Variants in PPP2R1A observed in about 807,000 individuals in gnomAD.
PPP2R1A encodes the protein protein phosphatase 2 scaffold subunit Aalpha.
A neutral mutation model predicts 67.1 loss-of-function variants in PPP2R1A; 15 were observed. That is an observed-to-expected ratio of 0.22 (90% CI 0.15 to 0.34). The LOEUF (loss-of-function observed/expected upper bound fraction) is 0.34, where lower values mean the gene tolerates loss of function less well. Ranked by LOEUF, PPP2R1A falls within the 10% of genes least tolerant of loss-of-function variation. PPP2R1A has a pLI of 1.00. For missense variants in PPP2R1A, 369 were observed against 775.0 expected, an observed-to-expected ratio of 0.48 and a Z score of 6.22; for synonymous variants, 337 against 325.0, an observed-to-expected ratio of 1.04 and a Z score of -0.40.
chr19:52,202,344 T>C (rs1260507261), intron 2 of PPP2R1A, among the ~76,000 whole-genome samples: 1 of 152,252 alleles, frequency 6.6e-6, no homozygotes, highest in Non-Finnish European at 1.5e-5. Flanking sequence ...CATCTGTAGA[T>C]TGGGATAATC....
chr19:52,201,584 AGT>A, intron 1 of PPP2R1A: 1 of 196,826 alleles, frequency 5.1e-6, no homozygotes, highest in South Asian at 1.0e-4. Context: ...CTGCTGTTAA[AGT>A]ACAGTGCATT....
intron 6 of PPP2R1A, among the ~76,000 whole-genome samples, chr19:52,215,457 AT>A (rs1276530908): frequency 6.6e-6 from 1 of 152,220 alleles, no homozygotes; most frequent in Non-Finnish European, 1.5e-5. Context: ...TCACTATATC[AT>A]TTGAATGTTT....
At chr19:52,194,695 G>A (rs955912830) in intron 1 of PPP2R1A, among the ~76,000 whole-genome samples, 3 of 152,164 alleles carry the variant, frequency 2.0e-5, no homozygotes, top group Non-Finnish European at 4.4e-5. Flanking sequence ...TGCCAGTTGT[G>A]CTCTCTGTGT....
intron 13 of PPP2R1A, 101 bp downstream of exon 13, chr19:52,222,342 G>T: frequency 1.4e-6 from 2 of 1,454,946 alleles, no homozygotes; most frequent in East Asian, 5.0e-5. Context: ...GCCTGGCAGC[G>T]CTCCTTGCTT....
In PPP2R1A at chr19:52,215,912, A is replaced by C. The variant is rs773636251; in HGVS notation, c.922+19A>C. On this transcript the variant is annotated intron_variant, in intron 7 of 14. Coordinates refer to ENST00000322088, the MANE Select transcript of PPP2R1A (RefSeq NM_014225.6). ...GTCAAAGGTTGGTGCTGGCAGCCGG[A>C]ACACAGCAAGTGGGGTGGGTATCCA... is the stretch of plus-strand genomic sequence containing the variant. 6.2e-7 allele frequency: 1 copy of C among 1,613,450 alleles called. No individual in the cohort carries two copies. The highest frequency in any genetic ancestry group is 8.5e-7 in the Non-Finnish European group (1 of 1,179,364).
rs113637152 is a variant in PPP2R1A at position 52,215,144 on chromosome 19, C to T, written c.808-635C>T. Among the ~76,000 whole-genome samples, 1,020 of 152,316 alleles carry T rather than the reference C, an allele frequency of 6.7e-3. 13 individuals carry two copies. The highest frequency in any genetic ancestry group is 0.023 in the African/African-American group (970 of 41,572). On this transcript the variant is annotated intron_variant, in intron 6 of 14. Coordinates refer to ENST00000322088, the MANE Select transcript of PPP2R1A (RefSeq NM_014225.6). ...AGTCACGGCTCACTGCAGCCTTGAC[C>T]TCCTGGGCTCAGGTGATCCTCCCAC...
intron 1 of PPP2R1A, among the ~76,000 whole-genome samples, chr19:52,192,215 C>T (rs538348105): frequency 9.9e-5 from 15 of 151,988 alleles, no homozygotes; most frequent in African/African-American, 3.6e-4. Flanking sequence ...AGGCAAGGCC[C>T]CTCTGAGGAT....
At chr19:52,191,213 C>CT (rs1481079358) in intron 1 of PPP2R1A, 1 of 152,262 alleles carries the variant, frequency 6.6e-6, no homozygotes, top group Non-Finnish European at 1.5e-5. Context: ...CTGAGCCGGG[C>CT]TGGTGTGGGA....
chr19:52,195,979 G>A lies in PPP2R1A; in HGVS notation c.78+5805G>A, dbSNP rs190147686. Reference sequence around the variant, plus strand: ...CTGAAAATCCCAACCCTCTAATCATGCCTCTCTGTTTTCCATGACTATCTT... The same window carrying A: ...CTGAAAATCCCAACCCTCTAATCATACCTCTCTGTTTTCCATGACTATCTT... On this transcript the variant is annotated intron_variant, in intron 1 of 14. Transcript: ENST00000322088. Among the ~76,000 whole-genome samples the A allele has an allele frequency of 2.2e-3, 329 of 152,258 alleles. 2 individuals carry two copies. Among genetic ancestry groups the A allele is most frequent in the Admixed American group, 7.3e-3 (112 of 15,294 alleles).
At chr19:52,218,308 C>G (rs931845905) in intron 9 of PPP2R1A, among the ~76,000 whole-genome samples, 2 of 152,206 alleles carry the variant, frequency 1.3e-5, no homozygotes, top group Admixed American at 6.5e-5. Context: ...AGTACTGCAT[C>G]ACATTTCAGT....
intron 10 of PPP2R1A, 31 bp from the exon 11 acceptor site, chr19:52,220,158 C>T: frequency 6.2e-7 from 1 of 1,610,190 alleles, no homozygotes; most frequent in Non-Finnish European, 8.5e-7. Flanking sequence ...TCCTGGAACG[C>T]TTACCTTGGA....
chr19:52,191,608 G>C (rs537826220), intron 1 of PPP2R1A, among the ~76,000 whole-genome samples: 3 of 152,192 alleles, frequency 2.0e-5, no homozygotes, highest in Non-Finnish European at 4.4e-5. Flanking sequence ...TGTATTCCCG[G>C]CCCTTCCACT....
In PPP2R1A at chr19:52,191,767, A is replaced by G. The variant is rs149078746; in HGVS notation, c.78+1593A>G. ...CCATGTATGAGATATGATGCTGGGG[A>G]TATAGTGGAGACACCAGTTGCTATA... On this transcript the variant is annotated intron_variant, in intron 1 of 14. Coordinates refer to ENST00000322088, the MANE Select transcript of PPP2R1A (RefSeq NM_014225.6). Among the ~76,000 whole-genome samples the G allele has an allele frequency of 4.1e-4, 63 of 152,264 alleles. 1 individual carries two copies. The highest frequency in any genetic ancestry group is 1.5e-3 in the African/African-American group (63 of 41,546).
chr19:52,191,709 G>A (rs1365612639), intron 1 of PPP2R1A, among the ~76,000 whole-genome samples: 1 of 152,148 alleles, frequency 6.6e-6, no homozygotes, highest in Non-Finnish European at 1.5e-5. Flanking sequence ...TCATAGGGCG[G>A]TTGTATGAAT....
intron 1 of PPP2R1A, among the ~76,000 whole-genome samples, chr19:52,190,721 A>T (rs1348008248): frequency 2.0e-5 from 3 of 152,142 alleles, no homozygotes; most frequent in Non-Finnish European, 2.9e-5. Flanking sequence ...CGGGGACGCA[A>T]AAACACCCCC....
rs1378934241 is a variant in PPP2R1A at position 52,216,893 on chromosome 19, A to G, written c.1128+230A>G. ...TGGAGGATATGAAAAATAGAAATTT[A>G]AAGTTTTTATTTATGGCCAGGCGCG... On this transcript the variant is annotated intron_variant, in intron 9 of 14. Transcript: ENST00000322088. The surrounding 1 kb of genome is among the most constrained non-coding windows in gnomAD (Gnocchi z 4.3). 6.6e-6 allele frequency among the ~76,000 whole-genome samples: 1 copy of G among 152,188 alleles called. No individual in the cohort carries two copies. The highest frequency in any genetic ancestry group is 1.5e-5 in the Non-Finnish European group (1 of 68,042).
chr19:52,226,374 CT>C lies in PPP2R1A; in HGVS notation c.*397del. 3.1e-6 allele frequency: 1 copy of C among 327,252 alleles called. No homozygotes were observed. The highest frequency in any genetic ancestry group is 4.7e-5 in the East Asian group (1 of 21,344). 20.3% of individuals were successfully genotyped at this position (327,252 alleles called of 1,614,324 possible). ...CAACTGTGCCGTTTTTATTTTATTC[CT>C]TTTATTTTCCCCCTTTTCACAGAGA... On this transcript the variant is annotated 3_prime_UTR_variant, in exon 15 of 15. Coordinates refer to ENST00000322088, the MANE Select transcript of PPP2R1A (RefSeq NM_014225.6).
chr19:52,215,441 T>C (rs1327029469), intron 6 of PPP2R1A, among the ~76,000 whole-genome samples: 2 of 152,230 alleles, frequency 1.3e-5, no homozygotes, highest in East Asian at 3.8e-4. Flanking sequence ...AATCAAAAAG[T>C]TGCAGTCACT....
In PPP2R1A at chr19:52,205,949, T is replaced by C; in HGVS notation, c.170-14T>C. 6.2e-7 allele frequency: 1 copy of C among 1,608,548 alleles called. No homozygotes were observed. On this transcript the variant is annotated splice_polypyrimidine_tract_variant and intron_variant, in intron 2 of 14. Coordinates refer to ENST00000322088, the MANE Select transcript of PPP2R1A (RefSeq NM_014225.6). ...TGAGATGGGATAGTCACGAAGTCTG[T>C]CTTGGTTCCACAGATACCATCTATG...
Sources: allele counts gnomAD v4.1 joint callset (sites outside exome capture counted in the v4.1 genomes callset), GRCh38; gene constraint gnomAD v4.1.1; non-coding constraint Gnocchi (gnomAD v3.1); transcripts MANE v1.5; gene names NCBI Gene and HGNC (gene_info 2026-07-23, HGNC 2026-07-21).